Variants in TENM3 observed in about 807,000 individuals in gnomAD.
TENM3 encodes teneurin transmembrane protein 3.
TENM3 carries 63 observed loss-of-function variants against 255.1 expected under a neutral mutation model. The observed-to-expected ratio is 0.25, with a 90% CI of 0.20 to 0.30. TENM3 has a LOEUF of 0.30. Among genes scored for constraint, TENM3 ranks in the 10% least tolerant of loss-of-function variants. TENM3 has a pLI of 1.00. For synonymous variants in TENM3, 1,306 were observed against 1,322.3 expected (o/e 0.99, Z 0.27); for missense variants, 2,929 against 3,461.1 (o/e 0.85, Z 3.86).
chr4:182,767,239 T>C (rs1324098929), intron 22 of TENM3, among the ~76,000 whole-genome samples: 3 of 152,214 alleles, frequency 2.0e-5, no homozygotes, highest in South Asian at 2.1e-4. Flanking sequence ...CTGTTGCTGT[T>C]GCAAATCACA....
intron 3 of TENM3, among the ~76,000 whole-genome samples, chr4:182,384,715 GTC>G (rs1029778442): frequency 6.6e-6 from 1 of 152,048 alleles, no homozygotes; most frequent in Admixed American, 6.6e-5. Context: ...GCCTTCCCTT[GTC>G]TCTGCGATTT....
At chr4:181,926,818 A>T in the TENM3 span, among the ~76,000 whole-genome samples, 3 of 151,904 alleles carry the variant, frequency 2.0e-5, no homozygotes, top group South Asian at 6.3e-4. Context: ...TACCCAGCTC[A>T]TCTCATTGGG....
At chr4:182,000,085 T>C in the TENM3 span, among the ~76,000 whole-genome samples, 1 of 152,166 alleles carries the variant, frequency 6.6e-6, no homozygotes, top group African/African-American at 2.4e-5. Flanking sequence ...ATTCTAGCGC[T>C]GGATTTTCTA....
the TENM3 span, among the ~76,000 whole-genome samples, chr4:181,734,324 C>A: frequency 6.6e-6 from 1 of 151,378 alleles, no homozygotes; most frequent in East Asian, 1.9e-4. Context: ...TTTTTTTAAT[C>A]CCCAGAACAC....
intron 5 of TENM3, among the ~76,000 whole-genome samples, chr4:182,646,440 G>T (rs1752747919): frequency 6.6e-6 from 1 of 152,130 alleles, no homozygotes; most frequent in Non-Finnish European, 1.5e-5. Flanking sequence ...GCTACTGGAT[G>T]TGGCAATTTA....
the TENM3 span, among the ~76,000 whole-genome samples, chr4:181,621,528 C>G: frequency 2.6e-5 from 4 of 152,134 alleles, no homozygotes; most frequent in African/African-American, 9.7e-5. Context: ...TCTCTGCCAT[C>G]GTAAGCAGTG....
At chr4:182,712,849 TG>T (rs1392113844) in intron 12 of TENM3, among the ~76,000 whole-genome samples, 1 of 152,230 alleles carries the variant, frequency 6.6e-6, no homozygotes, top group African/African-American at 2.4e-5. Flanking sequence ...TTTATTAATA[TG>T]TTTTATACCA....
chr4:182,536,080 A>C (rs1740279475), intron 3 of TENM3, among the ~76,000 whole-genome samples: 1 of 152,212 alleles, frequency 6.6e-6, no homozygotes, highest in Non-Finnish European at 1.5e-5. Context: ...GCCACGAACA[A>C]ATATGGTGTA....
chr4:182,561,724 G>A (rs953690103), intron 3 of TENM3, among the ~76,000 whole-genome samples: 1 of 151,640 alleles, frequency 6.6e-6, no homozygotes, highest in Admixed American at 6.6e-5. Flanking sequence ...GTTATGTAAG[G>A]GATTATTTAA....
At chr4:181,945,398 G>A in the TENM3 span, among the ~76,000 whole-genome samples, 13 of 152,194 alleles carry the variant, frequency 8.5e-5, no homozygotes, top group South Asian at 2.1e-4. Context: ...ATGGCCGCTC[G>A]GAGCACGTGG....
chr4:182,627,283 T>C (rs1455756392), intron 4 of TENM3, among the ~76,000 whole-genome samples: 1 of 152,202 alleles, frequency 6.6e-6, no homozygotes, highest in East Asian at 1.9e-4. Context: ...AGGTAGATAC[T>C]ATTACCATCC....
chr4:182,568,878 A>G (rs1744063710), intron 3 of TENM3, among the ~76,000 whole-genome samples: 1 of 152,232 alleles, frequency 6.6e-6, no homozygotes, highest in South Asian at 2.1e-4. Context: ...GCCAGGCACA[A>G]ACGAGTACAT....
intron 1 of TENM3, among the ~76,000 whole-genome samples, chr4:182,162,979 A>G (rs1751458055): frequency 6.6e-6 from 1 of 152,150 alleles, no homozygotes; most frequent in Non-Finnish European, 1.5e-5. Context: ...CCTGAGGAGC[A>G]AAGCTGCCCC....
chr4:181,724,947 G>T, the TENM3 span, among the ~76,000 whole-genome samples: 2 of 152,226 alleles, frequency 1.3e-5, no homozygotes, highest in African/African-American at 2.4e-5. Flanking sequence ...AAGGAAAGAG[G>T]TGTTCTCAGC....
At chr4:181,652,191 A>T in the TENM3 span, among the ~76,000 whole-genome samples, 1 of 150,088 alleles carries the variant, frequency 6.7e-6, no homozygotes. Context: ...GTAGTCTTCC[A>T]TGGGACATGG....
At chr4:182,480,483 T>C (rs1239842749) in intron 3 of TENM3, among the ~76,000 whole-genome samples, 1 of 152,084 alleles carries the variant, frequency 6.6e-6, no homozygotes, top group African/African-American at 2.4e-5. Context: ...TGTGAAAGAA[T>C]TGTTTTTGAA....
the TENM3 span, among the ~76,000 whole-genome samples, chr4:181,831,336 C>A: frequency 6.6e-6 from 1 of 152,190 alleles, no homozygotes; most frequent in African/African-American, 2.4e-5. Flanking sequence ...ATGTATTATT[C>A]TAATAAGTCC....
chr4:182,326,194 G>A (rs1225849642), intron 2 of TENM3, among the ~76,000 whole-genome samples: 1 of 152,240 alleles, frequency 6.6e-6, no homozygotes, highest in Non-Finnish European at 1.5e-5. Context: ...TGATGTGTAT[G>A]AATCCGAACT....
At chr4:181,915,433 G>C in the TENM3 span, among the ~76,000 whole-genome samples, 1 of 152,020 alleles carries the variant, frequency 6.6e-6, no homozygotes, top group African/African-American at 2.4e-5. Context: ...ATCAGACATA[G>C]TCCTTAAGGA....
Sources: allele counts gnomAD v4.1 joint callset (sites outside exome capture counted in the v4.1 genomes callset), GRCh38; gene constraint gnomAD v4.1.1; transcripts MANE v1.5; gene names NCBI Gene and HGNC (gene_info 2026-07-23, HGNC 2026-07-21).